The following IRAG2 variants were observed in gnomAD, a reference collection of about 807,000 sequenced individuals.
IRAG2 encodes the protein inositol 1,4,5-triphosphate receptor associated 2.
IRAG2 carries 45 observed loss-of-function variants against 69.9 expected under a neutral mutation model. The observed-to-expected ratio is 0.64, with a 90% CI of 0.51 to 0.83. The LOEUF is 0.83. Ranked by LOEUF, IRAG2 falls within the 40% of genes least tolerant of loss-of-function variation. The pLI is 0.00. For missense variants in IRAG2, 520 were observed against 587.0 expected (o/e 0.89, Z 1.18); for synonymous variants, 193 against 202.4 (o/e 0.95, Z 0.40).
At chr12:25,073,764 A>T (rs200367795) in intron 6 of IRAG2, among the ~76,000 whole-genome samples, 1 of 87,406 alleles carries the variant, frequency 1.1e-5, no homozygotes, top group South Asian at 4.0e-4. Flanking sequence ...GAAGGAAACA[A>T]ATTATTTCCA....
At chr12:25,019,813 G>C (rs1448439012) in intron 6 of IRAG2, among the ~76,000 whole-genome samples, 1 of 152,172 alleles carries the variant, frequency 6.6e-6, no homozygotes, top group Non-Finnish European at 1.5e-5. Flanking sequence ...TCCTTGATGG[G>C]AGGAACTATG....
chr12:25,026,864 C>A lies in IRAG2; in HGVS notation c.1459C>A (p.Gln487Lys). ...CTTGTCTAAAACTGAGACAGAGCAC[C>A]AAGTAAGCACTTCCCAAATACTGGT... Residue 487 changes from glutamine to lysine, a missense_variant and splice_region_variant, in exon 9 of 39, where the codon CAA becomes AAA. By Grantham distance (53) the Gln-to-Lys change is moderately conservative (BLOSUM62 1). Coordinates refer to the IRAG2 transcript ENST00000636465. The A allele has an allele frequency of 4.1e-6, 5 of 1,220,822 alleles. No individual in the cohort carries two copies. In the African/African-American group the frequency reaches 7.8e-5, roughly 19 times the overall value. 75.6% of individuals were successfully genotyped at this position (1,220,822 alleles called of 1,614,324 possible). A position where few individuals can be genotyped will look rare whatever the true frequency, so the allele number is the denominator to read the frequency against.
chr12:25,093,929 G>C (rs200915449), intron 14 of IRAG2: 1 of 63,546 alleles, frequency 1.6e-5, no homozygotes, highest in Admixed American at 2.0e-4. Context: ...TTTTTTAATT[G>C]AGTTATTTGG....
At position 25,106,962 on chromosome 12, in the gene IRAG2, C is replaced by T; in HGVS notation, c.1168C>T (p.Pro390Ser). Residue 390 changes from proline to serine, a missense_variant, in exon 21 of 22, where the codon CCA (proline) becomes TCA (serine). Pro to Ser is a moderately conservative substitution (Grantham distance 74). Coordinates refer to ENST00000556887, the MANE Select transcript of IRAG2 (RefSeq NM_001366544.2). ...CELKTKDDSEPSGEETVERTR... is the reference protein window; with the variant it reads ...CELKTKDDSESSGEETVERTR... ...TTACAGAACTAAAGATGACTCAGAG[C>T]CATCTGGAGAAGAAACAGTAGAAAG... The T allele has an allele frequency of 6.3e-7, 1 of 1,586,636 alleles. No homozygotes were observed. The highest frequency in any genetic ancestry group is 8.6e-7 in the Non-Finnish European group (1 of 1,159,940).
At chr12:25,032,968 T>G (rs1259571106) in intron 12 of IRAG2, among the ~76,000 whole-genome samples, 2 of 151,846 alleles carry the variant, frequency 1.3e-5, no homozygotes, top group Non-Finnish European at 2.9e-5. Flanking sequence ...CTTTTTTTTT[T>G]TTTTTGGAGG....
At chr12:25,056,291 G>T (rs1497261) in intron 1 of IRAG2, among the ~76,000 whole-genome samples, 1 of 152,138 alleles carries the variant, frequency 6.6e-6, no homozygotes, top group African/African-American at 2.4e-5. Flanking sequence ...GATACTTAAA[G>T]ATAGAAGGTT....
At chr12:25,035,606 G>A (rs1944696804) in intron 13 of IRAG2, 2 of 398,600 alleles carry the variant, frequency 5.0e-6, no homozygotes, top group South Asian at 2.6e-4. Flanking sequence ...AGTAATGAAT[G>A]TTCTTTATTC....
In IRAG2 at chr12:25,084,402, AAGAG is replaced by A. The variant is rs375765618; in HGVS notation, c.315+921_315+924del. On this transcript the variant is annotated intron_variant, in intron 10 of 21. Coordinates refer to ENST00000556887, the MANE Select transcript of IRAG2 (RefSeq NM_001366544.2). ...AAGACCCTGTCTCAAAAAGAAAAAA[AAGAG>A]AGAGAGAGAGAAGACTCATTTCCAC... is the stretch of plus-strand genomic sequence containing the variant. Among the ~76,000 whole-genome samples, 459 of 151,936 alleles carry A rather than the reference AAGAG, an allele frequency of 3.0e-3. 2 individuals are homozygous for A. The highest frequency in any genetic ancestry group is 0.01 in the African/African-American group (417 of 41,388).
intron 6 of IRAG2, among the ~76,000 whole-genome samples, chr12:25,018,289 C>T (rs1313236318): frequency 6.7e-6 from 1 of 148,642 alleles, no homozygotes; most frequent in African/African-American, 2.5e-5. Context: ...CAACCTCCGT[C>T]TCCTAGGCTC....
intron 3 of IRAG2, among the ~76,000 whole-genome samples, chr12:25,014,197 T>C (rs1325745135): frequency 6.6e-6 from 1 of 151,958 alleles, no homozygotes; most frequent in East Asian, 1.9e-4. Context: ...TTCTTAAGAA[T>C]TTAATATTTC....
intron 13 of IRAG2, chr12:25,035,629 T>C (rs1350809511): frequency 5.0e-6 from 2 of 398,852 alleles, no homozygotes; most frequent in East Asian, 7.1e-5. Context: ...ATGTCAATTG[T>C]GGGCATTTCG....
chr12:25,095,695 A>G (rs1351739558), intron 14 of IRAG2, among the ~76,000 whole-genome samples: 1 of 152,176 alleles, frequency 6.6e-6, no homozygotes, highest in Non-Finnish European at 1.5e-5. Context: ...ATTTTTGGGA[A>G]GAGTTTTATG....
rs191692501 is a variant in IRAG2 at position 25,038,331 on chromosome 12, A to G, written c.2144+194A>G. 4.6e-3 allele frequency among the ~76,000 whole-genome samples: 698 copies of G among 152,332 alleles called. 5 individuals are homozygous for G. The highest frequency in any genetic ancestry group is 7.5e-3 in the South Asian group (36 of 4,826). ...AATTGACTTACATGTTCAAAATTGC[A>G]AATGACGAACTATAAAATCTGTGGA... On this transcript the variant is annotated intron_variant, in intron 16 of 38. Coordinates refer to the IRAG2 transcript ENST00000636465.
At chr12:25,024,306 C>A (rs1408034894) in intron 8 of IRAG2, among the ~76,000 whole-genome samples, 3 of 152,114 alleles carry the variant, frequency 2.0e-5, no homozygotes, top group Admixed American at 6.6e-5. Flanking sequence ...GAAAAAAGGA[C>A]CTTGGAAAAA....
chr12:25,054,713 C>A (rs897055640), intron 1 of IRAG2, among the ~76,000 whole-genome samples: 1 of 152,166 alleles, frequency 6.6e-6, no homozygotes, highest in Non-Finnish European at 1.5e-5. Flanking sequence ...AAATCCCTTA[C>A]TTGTTACTTG....
At chr12:25,025,936 G>A (rs1944618090) in intron 8 of IRAG2, among the ~76,000 whole-genome samples, 1 of 152,076 alleles carries the variant, frequency 6.6e-6, no homozygotes, top group African/African-American at 2.4e-5. Flanking sequence ...TGAGCTAGGG[G>A]TTCGAAAATT....
intron 12 of IRAG2, among the ~76,000 whole-genome samples, chr12:25,032,950 C>A (rs966513095): frequency 9.8e-5 from 11 of 112,002 alleles, no homozygotes; most frequent in African/African-American, 3.4e-4. Context: ...CTAAGTAACT[C>A]TTTCTTTCTT....
At chr12:25,096,604 A>G (rs374165888) in intron 14 of IRAG2, among the ~76,000 whole-genome samples, 14 of 152,212 alleles carry the variant, frequency 9.2e-5, no homozygotes, top group African/African-American at 3.1e-4. Flanking sequence ...TCTCTTTACC[A>G]TTACCAATTA....
chr12:25,015,300 C>T (rs1411349694), intron 4 of IRAG2: 8 of 1,229,200 alleles, frequency 6.5e-6, no homozygotes, highest in Non-Finnish European at 7.1e-6. Context: ...TGTTTTCTTA[C>T]GGTTTGTAGA....
Sources: allele counts gnomAD v4.1 joint callset (sites outside exome capture counted in the v4.1 genomes callset), GRCh38; gene constraint gnomAD v4.1.1; transcripts MANE v1.5; gene names NCBI Gene and HGNC (gene_info 2026-07-23, HGNC 2026-07-21).